The following DAB1 variants were observed in gnomAD, a reference collection of about 807,000 sequenced individuals.
DAB1 encodes DAB adaptor protein 1.
In DAB1, 15 loss-of-function variants were observed where a neutral mutation model predicts 64.6. The observed-to-expected ratio is 0.23, with a 90% CI of 0.16 to 0.36. The LOEUF is 0.36. DAB1 is among the 10% of genes least tolerant of loss of function. The pLI is 1.00. For missense variants in DAB1, 596 were observed against 706.7 expected (o/e 0.84, Z 1.78); for synonymous variants, 235 against 251.9 (o/e 0.93, Z 0.64).
chr1:57,322,953 G>C (rs539555391), intron 1 of DAB1, among the ~76,000 whole-genome samples: 3 of 152,280 alleles, frequency 2.0e-5, no homozygotes, highest in Non-Finnish European at 4.4e-5. Context: ...TGCTAGATCA[G>C]CTCAAGGGTT....
At chr1:58,036,325 G>C (rs1248673180) in intron 5 of DAB1, among the ~76,000 whole-genome samples, 1 of 152,176 alleles carries the variant, frequency 6.6e-6, no homozygotes, top group Non-Finnish European at 1.5e-5. Context: ...CATGCTGGCA[G>C]TTGGTAATAA....
At chr1:58,317,062 G>A (rs1469293089) in intron 4 of DAB1, among the ~76,000 whole-genome samples, 1 of 152,224 alleles carries the variant, frequency 6.6e-6, no homozygotes, top group East Asian at 1.9e-4. Flanking sequence ...ATAGTTAGAT[G>A]CTGCGGAGGG....
chr1:58,316,881 G>T (rs1322497040), intron 4 of DAB1, among the ~76,000 whole-genome samples: 1 of 152,106 alleles, frequency 6.6e-6, no homozygotes, highest in Non-Finnish European at 1.5e-5. Flanking sequence ...CTTCTCAAGA[G>T]TTTTTCTATT....
rs548634335 is a variant in DAB1, at chr1:57,074,183, A to AT, written c.307-1770dup. On this transcript the variant is annotated intron_variant, in intron 4 of 14. Transcript: ENST00000371236. ...CTGCACCGGCCATTTATTTGGAATTATATCAGCTTAGTGTTGCTAATATTC... is the reference window on the plus strand; with the variant it reads ...CTGCACCGGCCATTTATTTGGAATTATTATCAGCTTAGTGTTGCTAATATTC... 4.6e-3 allele frequency among the ~76,000 whole-genome samples: 693 copies of AT among 152,284 alleles called. 2 individuals carry two copies. In the Middle Eastern group the frequency reaches 0.048, roughly 11 times the overall value.
At chr1:57,394,564 T>C (rs553999355) in intron 1 of DAB1, among the ~76,000 whole-genome samples, 3 of 152,328 alleles carry the variant, frequency 2.0e-5, no homozygotes, top group East Asian at 3.9e-4. Context: ...CAGAAGGAAA[T>C]GCTTCTGAAT....
chr1:57,171,803 CAAG>C (rs1371959368), intron 2 of DAB1, among the ~76,000 whole-genome samples: 1 of 152,134 alleles, frequency 6.6e-6, no homozygotes, highest in Non-Finnish European at 1.5e-5. Flanking sequence ...TTAAAGGAAA[CAAG>C]AAGGAGTTAT....
At position 57,176,977 on chromosome 1, in the gene DAB1, A is replaced by C. The variant is rs1490816121; in HGVS notation, c.68-31548T>G. Reference sequence around the variant, plus strand: ...AAAAGAAGCAGCAGCAGATATAAAAAAAAAAAAAAAAAAAAGCCCTCAGAC... The same window carrying C: ...AAAAGAAGCAGCAGCAGATATAAAACAAAAAAAAAAAAAAAGCCCTCAGAC... On this transcript the variant is annotated intron_variant, in intron 2 of 14. Coordinates refer to ENST00000371236, the MANE Select transcript of DAB1 (RefSeq NM_001365792.1). Among the ~76,000 whole-genome samples, 64 of 128,140 alleles carry C rather than the reference A, an allele frequency of 5.0e-4. 1 individual carries two copies. In the South Asian group the frequency reaches 9.0e-3, roughly 18 times the overall value. 84.1% of individuals were successfully genotyped at this position (128,140 alleles called of 152,430 possible). A position where few individuals can be genotyped will look rare whatever the true frequency, so the allele number is the denominator to read the frequency against.
chr1:57,545,606 C>A (rs1224953996), intron 7 of DAB1, among the ~76,000 whole-genome samples: 1 of 152,194 alleles, frequency 6.6e-6, no homozygotes, highest in Non-Finnish European at 1.5e-5. Flanking sequence ...ATGTATGATA[C>A]CCACTGAAGA....
intron 7 of DAB1, among the ~76,000 whole-genome samples, chr1:57,579,372 C>G (rs1186628557): frequency 6.6e-6 from 1 of 152,020 alleles, no homozygotes; most frequent in Non-Finnish European, 1.5e-5. Context: ...GCCTTCAGAC[C>G]CTGGGAGTAC....
intron 2 of DAB1, among the ~76,000 whole-genome samples, chr1:57,197,009 C>A (rs140493841): frequency 7.9e-4 from 121 of 152,276 alleles, no homozygotes; most frequent in African/African-American, 2.9e-3. Flanking sequence ...TCAAAATTCC[C>A]ACTTTAGAGA....
At chr1:58,084,118 A>G (rs1394410351) in intron 5 of DAB1, among the ~76,000 whole-genome samples, 1 of 152,164 alleles carries the variant, frequency 6.6e-6, no homozygotes, top group Non-Finnish European at 1.5e-5. Flanking sequence ...AAAGACTTAA[A>G]TAGTTTTTTA....
chr1:57,359,827 G>T (rs1679405064), intron 1 of DAB1, among the ~76,000 whole-genome samples: 1 of 152,032 alleles, frequency 6.6e-6, no homozygotes, highest in Non-Finnish European at 1.5e-5. Context: ...AGTGAAATAA[G>T]CCAGGCACAG....
At chr1:57,919,287 G>C (rs1318941152) in intron 5 of DAB1, among the ~76,000 whole-genome samples, 2 of 152,202 alleles carry the variant, frequency 1.3e-5, no homozygotes, top group Non-Finnish European at 2.9e-5. Context: ...CTGTGGCTTA[G>C]GCCCTGTATT....
At chr1:57,109,616 T>C (rs1322184128) in intron 4 of DAB1, among the ~76,000 whole-genome samples, 1 of 152,228 alleles carries the variant, frequency 6.6e-6, no homozygotes, top group East Asian at 1.9e-4. Context: ...GAATATAGTT[T>C]GTAAATGCTA....
chr1:57,067,585 C>T (rs1392638490), intron 8 of DAB1, among the ~76,000 whole-genome samples: 1 of 152,148 alleles, frequency 6.6e-6, no homozygotes. Flanking sequence ...TCCACCATTT[C>T]TGAGTCTTAT....
intron 2 of DAB1, among the ~76,000 whole-genome samples, chr1:57,246,415 G>T (rs1304245249): frequency 1.3e-5 from 2 of 152,240 alleles, no homozygotes; most frequent in East Asian, 1.9e-4. Context: ...GTGGTGTTGA[G>T]CCTGCAGGTG....
At chr1:57,996,033 C>T (rs1283020515) in intron 5 of DAB1, among the ~76,000 whole-genome samples, 2 of 152,072 alleles carry the variant, frequency 1.3e-5, no homozygotes, top group Admixed American at 6.6e-5. Context: ...CCGAGGCGGG[C>T]GGATCACTTG....
chr1:58,308,822 GGACAAAGA>G (rs1443198953), intron 4 of DAB1, among the ~76,000 whole-genome samples: 1 of 152,116 alleles, frequency 6.6e-6, no homozygotes, highest in African/African-American at 2.4e-5. Flanking sequence ...ACCTAGAGCT[GGACAAAGA>G]TCTACTTCCT....
At chr1:57,818,115 A>G (rs1018135397) in intron 6 of DAB1, among the ~76,000 whole-genome samples, 2 of 152,238 alleles carry the variant, frequency 1.3e-5, no homozygotes, top group African/African-American at 4.8e-5. Flanking sequence ...TGATCACAAT[A>G]TAACAGTTAG....
Sources: gnomAD v4.1 joint callset for allele counts (sites outside exome capture counted in the v4.1 genomes callset) on GRCh38, gnomAD v4.1.1 for gene constraint, MANE v1.5 for transcripts, NCBI Gene and HGNC (gene_info 2026-07-23, HGNC 2026-07-21) for gene names.